NCKAP1L: variants seen among roughly 807,000 people sequenced by gnomAD.
NCKAP1L encodes the protein nck-associated protein 1-like.
A neutral mutation model predicts 139.2 loss-of-function variants in NCKAP1L; 53 were observed. The ratio of observed to expected loss-of-function variants is 0.38; its 90% CI spans 0.31 to 0.48. NCKAP1L has a LOEUF of 0.48. NCKAP1L is among the 20% of genes least tolerant of loss of function. The pLI, the probability that NCKAP1L is intolerant of heterozygous loss-of-function variation, is 0.98. For synonymous variants in NCKAP1L, 468 were observed against 499.7 expected (o/e 0.94, Z 0.85); for missense variants, 1,151 against 1,381.9 (o/e 0.83, Z 2.65).
chr12:54,506,904 C>T (rs1057324855), intron 3 of NCKAP1L, among the ~76,000 whole-genome samples: 35 of 143,452 alleles, frequency 2.4e-4, no homozygotes, highest in Admixed American at 2.0e-3. Flanking sequence ...AGGAACAAAA[C>T]GAATCAGTGG....
rs998784364 is a variant in NCKAP1L, at chr12:54,510,053, T to C, written c.735+68T>C. 15 of 1,575,888 alleles carry C rather than the reference T, an allele frequency of 9.5e-6. No individual in the cohort carries two copies. In the Admixed American group the frequency reaches 2.7e-4, roughly 28 times the overall value. ...CCAAGGCCATCATCTCTGTAGAGGG[T>C]GCTTCTTTCAGGAAATATCAGTACT... On this transcript the variant is annotated intron_variant, in intron 7 of 30. Coordinates refer to ENST00000293373, the MANE Select transcript of NCKAP1L (RefSeq NM_005337.5).
Position 54,516,315 on chromosome 12 carries a change from C to T in NCKAP1L, c.998+20C>T. ...AAACAGGTAAAGGGTGGTGAATGCA[C>T]TCTCTGAGAGGGGATGGAATAGGAA... On this transcript the variant is annotated intron_variant, in intron 10 of 30. Transcript: ENST00000293373. 6.2e-7 allele frequency: 1 copy of T among 1,608,796 alleles called. No individual in the cohort carries two copies. The highest frequency in any genetic ancestry group is 8.5e-7 in the Non-Finnish European group (1 of 1,175,188).
At chr12:54,525,902 G>A (rs1037163705) in intron 20 of NCKAP1L, among the ~76,000 whole-genome samples, 1 of 152,110 alleles carries the variant, frequency 6.6e-6, no homozygotes, top group Non-Finnish European at 1.5e-5. Context: ...AAGGAGTTGG[G>A]GGTCCAGTGG....
chr12:54,506,797 ATATAT>A lies in NCKAP1L; in HGVS notation c.307-1055_307-1051del, dbSNP rs1252174898. Among the ~76,000 whole-genome samples the A allele has an allele frequency of 7.5e-3, 84 of 11,258 alleles. 4 individuals are homozygous for A. The highest frequency in any genetic ancestry group is 0.059 in the East Asian group (17 of 288). 7.4% of individuals were successfully genotyped at this position (11,258 alleles called of 152,430 possible). A position where few individuals can be genotyped will look rare whatever the true frequency, so the allele number is the denominator to read the frequency against. The stretch of plus-strand genomic sequence containing the variant: ...TTTGGCAACATATTAAAAAAAAAAA[ATATAT>A]ATATATATATATATATATATATTCC... On this transcript the variant is annotated intron_variant, in intron 3 of 30. Coordinates refer to ENST00000293373, the MANE Select transcript of NCKAP1L (RefSeq NM_005337.5).
At chr12:54,510,264 G>A in intron 7 of NCKAP1L, 2 of 507,876 alleles carry the variant, frequency 3.9e-6, no homozygotes, top group East Asian at 3.9e-5. Flanking sequence ...ATGAATGGAT[G>A]AAACAGAGTC....
intron 9 of NCKAP1L, among the ~76,000 whole-genome samples, chr12:54,515,588 TAG>T (rs1260911077): frequency 6.6e-6 from 1 of 152,104 alleles, no homozygotes; most frequent in East Asian, 1.9e-4. Flanking sequence ...GGTGAGGAAG[TAG>T]AGAGAGTATA....
At chr12:54,542,495 G>T in intron 30 of NCKAP1L, 80 bp from the exon 31 acceptor site, 2 of 1,046,410 alleles carry the variant, frequency 1.9e-6, no homozygotes, top group South Asian at 1.3e-5. Flanking sequence ...CAGAGGGCCT[G>T]GGAACTATGC....
rs114905989 is a variant in NCKAP1L at position 54,539,780 on chromosome 12, C to T, written c.3273+807C>T. 3.8e-3 allele frequency among the ~76,000 whole-genome samples: 580 copies of T among 152,252 alleles called. 4 individuals carry two copies. The highest frequency in any genetic ancestry group is 0.013 in the African/African-American group (544 of 41,542). On this transcript the variant is annotated intron_variant, in intron 30 of 30. Transcript: ENST00000293373. ...ATGGGAAGAGGTAGAGCCTGTACCCCACCTTGAGGCCCATACGAGAGATAT... is the reference window on the plus strand; with the variant it reads ...ATGGGAAGAGGTAGAGCCTGTACCCTACCTTGAGGCCCATACGAGAGATAT...
intron 1 of NCKAP1L, 57 bp from the exon 2 acceptor site, chr12:54,499,298 G>A: frequency 2.1e-6 from 2 of 942,340 alleles, no homozygotes; most frequent in Non-Finnish European, 3.5e-6. Flanking sequence ...TGCAAGAAGA[G>A]GTATGTTTCT....
At chr12:54,506,673 A>C (rs1592337602) in intron 3 of NCKAP1L, among the ~76,000 whole-genome samples, 3 of 147,446 alleles carry the variant, frequency 2.0e-5, no homozygotes, top group South Asian at 2.1e-4. Flanking sequence ...CCTCAAGTGA[A>C]CCTCCCACCT....
chr12:54,500,432 C>T (rs1956788828), intron 2 of NCKAP1L, 101 bp from the exon 3 acceptor site: 1 of 853,300 alleles, frequency 1.2e-6, no homozygotes. Context: ...CCTCAACCCT[C>T]TTTAAGAATG....
intron 5 of NCKAP1L, 23 bp downstream of exon 5, chr12:54,508,554 T>C (rs372296785): frequency 3.5e-5 from 57 of 1,612,176 alleles, no homozygotes; most frequent in East Asian, 2.9e-4. Flanking sequence ...GAGAGTATTA[T>C]ATGAAGAGTC....
intron 9 of NCKAP1L, among the ~76,000 whole-genome samples, chr12:54,515,370 TAGAG>T (rs1956921359): frequency 6.6e-6 from 1 of 152,078 alleles, no homozygotes; most frequent in African/African-American, 2.4e-5. Flanking sequence ...GTAAGGAACA[TAGAG>T]AGCAAAGAGT....
At chr12:54,536,577 G>C (rs1157804109) in intron 28 of NCKAP1L, 1 of 317,710 alleles carries the variant, frequency 3.1e-6, no homozygotes, top group African/African-American at 2.2e-5. Context: ...AGGATGGCTT[G>C]AGCCCAAGGG....
At chr12:54,526,346 C>T (rs1957025673) in intron 20 of NCKAP1L, among the ~76,000 whole-genome samples, 182 bp from the exon 21 acceptor site, 2 of 152,200 alleles carry the variant, frequency 1.3e-5, no homozygotes, top group Middle Eastern at 3.4e-3. Flanking sequence ...TCTCAGTTTC[C>T]TCATCTATAA....
intron 10 of NCKAP1L, 30 bp downstream of exon 10, chr12:54,516,325 G>A (rs755701358): frequency 6.3e-7 from 1 of 1,597,506 alleles, no homozygotes; most frequent in Non-Finnish European, 8.6e-7. Flanking sequence ...CTCTCTGAGA[G>A]GGGATGGAAT....
intron 3 of NCKAP1L, among the ~76,000 whole-genome samples, chr12:54,506,278 A>G (rs1354038492): frequency 6.6e-6 from 1 of 152,122 alleles, no homozygotes; most frequent in African/African-American, 2.4e-5. Context: ...TCTCATCAGC[A>G]CTTGCTATTA....
chr12:54,531,963 G>A (rs902299514), intron 25 of NCKAP1L, 138 bp downstream of exon 25: 3 of 828,798 alleles, frequency 3.6e-6, no homozygotes, highest in Non-Finnish European at 5.7e-6. Context: ...TGAGAAGAGG[G>A]AGAGTAATTT....
In NCKAP1L at chr12:54,512,076, C is replaced by A; in HGVS notation, c.912C>A (p.Val304=). ...IREDVLQVHK[V]TEDLFSSLKG... Reference sequence around the variant, plus strand: ...AGGATGTGCTGCAGGTGCACAAAGTCACCGAGGACCTGTTTAGCAGTTTGA... The same window carrying A: ...AGGATGTGCTGCAGGTGCACAAAGTAACCGAGGACCTGTTTAGCAGTTTGA... The change falls in exon 9 of 31, where the codon GTC becomes GTA. Residue 304 remains valine, a synonymous_variant. Coordinates refer to ENST00000293373, the MANE Select transcript of NCKAP1L (RefSeq NM_005337.5). The A allele has an allele frequency of 6.2e-7, 1 of 1,614,112 alleles. No homozygotes were observed. The highest frequency in any genetic ancestry group is 1.1e-5 in the South Asian group (1 of 91,046).
Sources: gnomAD v4.1 joint callset for allele counts (sites outside exome capture counted in the v4.1 genomes callset) on GRCh38, gnomAD v4.1.1 for gene constraint, MANE v1.5 for transcripts, NCBI Gene and HGNC (gene_info 2026-07-23, HGNC 2026-07-21) for gene names.